Variants in FYN observed in about 807,000 individuals in gnomAD.
The protein encoded by FYN is tyrosine-protein kinase Fyn.
Under a neutral mutation model 70.2 loss-of-function variants are expected in FYN, and 10 were observed. That is an observed-to-expected ratio of 0.14 (90% CI 0.09 to 0.24). FYN has a LOEUF of 0.24. FYN is among the 10% of genes least tolerant of loss of function. The pLI is 1.00. For synonymous variants in FYN, 236 were observed against 248.6 expected (o/e 0.95, Z 0.48); for missense variants, 319 against 673.1 (o/e 0.47, Z 5.82).
chr6:111,810,690 C>G (rs1005106340), intron 2 of FYN, among the ~76,000 whole-genome samples: 6 of 152,186 alleles, frequency 3.9e-5, no homozygotes, highest in African/African-American at 1.2e-4. Flanking sequence ...TGCACTCACA[C>G]CCACTTCCAC....
chr6:111,835,651 G>C (rs1470830401), intron 2 of FYN, among the ~76,000 whole-genome samples: 1 of 152,138 alleles, frequency 6.6e-6, no homozygotes, highest in Non-Finnish European at 1.5e-5. Context: ...GATAAGGTGG[G>C]CACGTAAAAG....
At chr6:111,844,285 C>A (rs1238144663) in intron 2 of FYN, among the ~76,000 whole-genome samples, 1 of 152,222 alleles carries the variant, frequency 6.6e-6, no homozygotes, top group East Asian at 1.9e-4. Context: ...AAACGTTCAA[C>A]TAAAAGAGGA....
chr6:111,721,970 G>A (rs1283098186), intron 3 of FYN, among the ~76,000 whole-genome samples: 3 of 152,144 alleles, frequency 2.0e-5, no homozygotes, highest in African/African-American at 4.8e-5. Context: ...GGAGGGCACA[G>A]CTGGCACAGG....
At chr6:111,776,721 C>T (rs984889077) in intron 3 of FYN, among the ~76,000 whole-genome samples, 11 of 152,152 alleles carry the variant, frequency 7.2e-5, no homozygotes, top group Admixed American at 2.0e-4. Context: ...TCACAAAAAG[C>T]ACCATTACCC....
chr6:111,794,129 C>G (rs1771728500), intron 2 of FYN, among the ~76,000 whole-genome samples: 2 of 152,246 alleles, frequency 1.3e-5, no homozygotes, highest in African/African-American at 4.8e-5. Context: ...CATGAGGACA[C>G]CCGGGCCTTT....
intron 3 of FYN, among the ~76,000 whole-genome samples, chr6:111,732,424 G>A (rs577088715): frequency 6.6e-6 from 1 of 152,310 alleles, no homozygotes; most frequent in East Asian, 1.9e-4. Context: ...TGGGTCTAAA[G>A]GGACACGGCC....
At chr6:111,696,241 C>T in intron 10 of FYN, 36 bp downstream of exon 10, 2 of 1,554,702 alleles carry the variant, frequency 1.3e-6, no homozygotes. Flanking sequence ...CCCCTTAAGG[C>T]ACTGTGAGCT....
chr6:111,812,219 G>A (rs191317970), intron 2 of FYN, among the ~76,000 whole-genome samples: 1 of 152,218 alleles, frequency 6.6e-6, no homozygotes, highest in Admixed American at 6.5e-5. Flanking sequence ...GCACTCGGAA[G>A]AACAGGGCTG....
chr6:111,844,178 T>C lies in FYN; in HGVS notation c.-82+2411A>G, dbSNP rs138894377. Among the ~76,000 whole-genome samples the C allele has an allele frequency of 2.0e-3, 310 of 152,354 alleles. 1 individual carries two copies. The highest frequency in any genetic ancestry group is 7.2e-3 in the African/African-American group (299 of 41,582). ...AGCACTCTGCATAGCAGAAGTTCAA[T>C]AAACCATAGATATTAATTAATACAG... On this transcript the variant is annotated intron_variant, in intron 2 of 13. Coordinates refer to ENST00000354650, the MANE Select transcript of FYN (RefSeq NM_002037.5).
rs1271811076 is a variant in FYN, at chr6:111,660,407, A to G, written c.*1332T>C. ...AATTTAAAAATGTAAACTCACAAAT[A>G]AATCATAACAAAAAAGGAATTAAGA... On this transcript the variant is annotated 3_prime_UTR_variant, in exon 14 of 14. Transcript: ENST00000354650. 2 of 150,948 alleles carry G rather than the reference A, an allele frequency of 1.3e-5. No individual in the cohort carries two copies. Among genetic ancestry groups the G allele is most frequent in the African/African-American group, 2.5e-5 (1 of 40,310 alleles). The allele number at this position is 150,948 out of a possible 1,614,324, so 9.4% of individuals were successfully genotyped here.
intron 3 of FYN, among the ~76,000 whole-genome samples, chr6:111,759,458 C>T (rs929908004): frequency 6.6e-6 from 1 of 152,190 alleles, no homozygotes; most frequent in South Asian, 2.1e-4. Flanking sequence ...ATGGCTTCCT[C>T]TCTACTCCAG....
At chr6:111,777,086 T>C (rs1451497482) in intron 3 of FYN, among the ~76,000 whole-genome samples, 2 of 152,236 alleles carry the variant, frequency 1.3e-5, no homozygotes, top group East Asian at 3.8e-4. Context: ...CTGAAGAAGC[T>C]GGGGTTAAAA....
intron 12 of FYN, chr6:111,676,648 A>C (rs1347827100): frequency 2.0e-5 from 3 of 152,238 alleles, no homozygotes; most frequent in Non-Finnish European, 4.4e-5. Context: ...AGAGAATTAA[A>C]GGTATACTAC....
In FYN at chr6:111,694,766, G is replaced by A; in HGVS notation, c.1043-62C>T. ...GAAAGATAATTCCCAACAGAGAGCT[G>A]TATTTGGTTTTCTTATTAAAAGTAA... On this transcript the variant is annotated intron_variant, in intron 10 of 13. Coordinates refer to ENST00000354650, the MANE Select transcript of FYN (RefSeq NM_002037.5). This position sits in a 1 kb window ranked among gnomAD's most constrained non-coding sequence, Gnocchi z 5.0. 3.5e-6 allele frequency: 5 copies of A among 1,426,968 alleles called. No homozygotes were observed. The South Asian group carries it at 3.7e-5, about 11-fold the overall frequency. 88.4% of individuals were successfully genotyped at this position (1,426,968 alleles called of 1,614,324 possible). A position where few individuals can be genotyped will look rare whatever the true frequency, so the allele number is the denominator to read the frequency against.
intron 2 of FYN, among the ~76,000 whole-genome samples, chr6:111,843,418 T>C (rs1202000581): frequency 1.3e-5 from 2 of 152,242 alleles, no homozygotes; most frequent in Admixed American, 6.5e-5. Context: ...AAATACACTT[T>C]ATACACTTAA....
At chr6:111,765,641 T>C (rs1260404876) in intron 3 of FYN, among the ~76,000 whole-genome samples, 1 of 152,192 alleles carries the variant, frequency 6.6e-6, no homozygotes, top group African/African-American at 2.4e-5. Context: ...TCATAACACT[T>C]CAGTTATTTT....
chr6:111,763,611 G>A (rs1803093507), intron 3 of FYN, among the ~76,000 whole-genome samples: 1 of 152,276 alleles, frequency 6.6e-6, no homozygotes, highest in African/African-American at 2.4e-5. Context: ...ATTTTACACT[G>A]AATATCCATA....
At chr6:111,794,087 C>A (rs1771726681) in intron 2 of FYN, among the ~76,000 whole-genome samples, 1 of 152,190 alleles carries the variant, frequency 6.6e-6, no homozygotes, top group Non-Finnish European at 1.5e-5. Context: ...CGGGGCAGGG[C>A]CCCTGCCACT....
intron 13 of FYN, among the ~76,000 whole-genome samples, chr6:111,666,746 T>C (rs566131944): frequency 6.6e-6 from 1 of 152,046 alleles, no homozygotes; most frequent in South Asian, 2.1e-4. Context: ...GGTGGAAAGA[T>C]TGCTTGAGCC....
Sources: gnomAD v4.1 joint callset for allele counts (sites outside exome capture counted in the v4.1 genomes callset) on GRCh38, gnomAD v4.1.1 for gene constraint, Gnocchi (gnomAD v3.1) non-coding constraint, MANE v1.5 for transcripts, NCBI Gene and HGNC (gene_info 2026-07-23, HGNC 2026-07-21) for gene names.